The following DDX10 variants were observed in gnomAD, a reference collection of about 807,000 sequenced individuals.
The protein encoded by DDX10 is DEAD-box helicase 10.
A neutral mutation model predicts 104.3 loss-of-function variants in DDX10; 74 were observed. That is an observed-to-expected ratio of 0.71 (90% CI 0.59 to 0.86). DDX10 has a LOEUF of 0.86. Ranked by LOEUF, DDX10 falls within the 40% of genes least tolerant of loss-of-function variation. The probability of loss-of-function intolerance (pLI) is 0.00; values close to 1 mark genes in which losing one functional copy is unlikely to be tolerated. For missense variants in DDX10, 952 were observed against 1,040.0 expected, an observed-to-expected ratio of 0.92 and a Z score of 1.16; for synonymous variants, 351 against 353.4, an observed-to-expected ratio of 0.99 and a Z score of 0.08.
At chr11:108,933,949 G>T (rs1445052416) in intron 17 of DDX10, among the ~76,000 whole-genome samples, 3 of 152,048 alleles carry the variant, frequency 2.0e-5, no homozygotes, top group African/African-American at 7.2e-5. Context: ...CAGTGTGGCT[G>T]CACAGAACAA....
intron 16 of DDX10, among the ~76,000 whole-genome samples, chr11:108,905,315 G>GA (rs1281918532): frequency 1.3e-5 from 2 of 148,488 alleles, no homozygotes; most frequent in African/African-American, 2.5e-5. Flanking sequence ...TTGTTTAAGG[G>GA]GGGGGGGGGT....
intron 10 of DDX10, among the ~76,000 whole-genome samples, chr11:108,715,447 C>T (rs2094290136): frequency 6.6e-6 from 1 of 152,138 alleles, no homozygotes; most frequent in African/African-American, 2.4e-5. Flanking sequence ...TCACTTGAGT[C>T]CAGGGGTTCA....
At chr11:108,923,301 A>G (rs1378259114) in intron 17 of DDX10, among the ~76,000 whole-genome samples, 1 of 152,184 alleles carries the variant, frequency 6.6e-6, no homozygotes. Context: ...AGGAACCAAG[A>G]CCTCAGATAC....
intron 16 of DDX10, among the ~76,000 whole-genome samples, chr11:108,901,753 T>C (rs890956788): frequency 3.3e-5 from 5 of 152,172 alleles, no homozygotes; most frequent in African/African-American, 9.6e-5. Context: ...CCAGCACAAA[T>C]ATCTGAAAGG....
At chr11:108,899,778 G>C (rs12292355) in intron 16 of DDX10, among the ~76,000 whole-genome samples, 1 of 152,058 alleles carries the variant, frequency 6.6e-6, no homozygotes, top group African/African-American at 2.4e-5. Flanking sequence ...TGCTGTCCTC[G>C]CAATAGTGAG....
intron 17 of DDX10, among the ~76,000 whole-genome samples, chr11:108,933,522 T>C (rs1864000528): frequency 6.6e-6 from 1 of 152,184 alleles, no homozygotes; most frequent in Admixed American, 6.5e-5. Flanking sequence ...ACATCAAAAT[T>C]ACTCATTTTT....
chr11:108,708,302 T>TC (rs2094279390), intron 10 of DDX10, among the ~76,000 whole-genome samples: 2 of 150,818 alleles, frequency 1.3e-5, no homozygotes, highest in Non-Finnish European at 3.0e-5. Flanking sequence ...GTGATTTTTT[T>TC]TTTTTCTTTT....
At chr11:108,793,675 A>T (rs1407893089) in intron 13 of DDX10, among the ~76,000 whole-genome samples, 2 of 142,592 alleles carry the variant, frequency 1.4e-5, no homozygotes, top group East Asian at 3.8e-4. Flanking sequence ...TTTGAAATAT[A>T]CAATACATTC....
At chr11:108,709,871 T>C (rs2094281775) in intron 10 of DDX10, among the ~76,000 whole-genome samples, 1 of 152,210 alleles carries the variant, frequency 6.6e-6, no homozygotes, top group African/African-American at 2.4e-5. Flanking sequence ...GATTGATTTT[T>C]AGGTACTTTC....
At chr11:108,934,074 G>A (rs1864007595) in intron 17 of DDX10, among the ~76,000 whole-genome samples, 1 of 152,230 alleles carries the variant, frequency 6.6e-6, no homozygotes, top group Non-Finnish European at 1.5e-5. Context: ...TGTGCACAAT[G>A]TGAGGGTAAC....
chr11:108,744,161 G>A (rs1229563649), intron 13 of DDX10, among the ~76,000 whole-genome samples: 1 of 152,056 alleles, frequency 6.6e-6, no homozygotes, highest in Non-Finnish European at 1.5e-5. Context: ...AGTATGAATG[G>A]CTTTATATAG....
rs566446078 is a variant in DDX10 at position 108,677,804 on chromosome 11, C to T, written c.538-511C>T. Among the ~76,000 whole-genome samples the T allele has an allele frequency of 3.3e-5, 5 of 151,552 alleles. No homozygotes were observed. The East Asian group carries it at 9.7e-4, about 29-fold the overall frequency. On this transcript the variant is annotated intron_variant, in intron 4 of 17. Transcript: ENST00000322536. The stretch of plus-strand genomic sequence containing the variant: ...AAAGAAGAAAGAATAGCATCACAAA[C>T]CCTTACGTACCTGTTGCCTAACTTT...
chr11:108,782,162 G>T (rs919565461), intron 13 of DDX10, among the ~76,000 whole-genome samples: 7 of 152,172 alleles, frequency 4.6e-5, no homozygotes, highest in Non-Finnish European at 8.8e-5. Context: ...ACTGTATATG[G>T]TATAGGCCTT....
intron 7 of DDX10, chr11:108,690,759 GA>G: frequency 4.2e-6 from 1 of 239,948 alleles, no homozygotes; most frequent in Non-Finnish European, 8.4e-6. Context: ...ATGGGCAGGA[GA>G]AGAGATAGAT....
In DDX10 at chr11:108,673,526, A is replaced by G; in HGVS notation, c.246A>G (p.Lys82=). Residue 82 remains lysine, a splice_region_variant and synonymous_variant, in exon 2 of 18, where the codon AAA becomes AAG. Coordinates refer to ENST00000322536, the MANE Select transcript of DDX10 (RefSeq NM_004398.4). ...TTCCCTTGTCCAAAAAAACATTGAA[A>G]GGTAAGTATATGGTGATCTTGGGAT... ...SDFPLSKKTL[K]GLQEAQYRLV... 1 of 1,587,088 alleles carries G rather than the reference A, an allele frequency of 6.3e-7. No individual in the cohort carries two copies. Among genetic ancestry groups the G allele is most frequent in the Non-Finnish European group, 8.6e-7 (1 of 1,156,260 alleles).
intron 13 of DDX10, among the ~76,000 whole-genome samples, chr11:108,811,321 CA>C (rs1395615770): frequency 2.0e-5 from 3 of 152,100 alleles, no homozygotes; most frequent in African/African-American, 7.2e-5. Context: ...GGTCCAAGGT[CA>C]GCATATTGGA....
chr11:108,875,961 C>G (rs1301491932), intron 16 of DDX10, among the ~76,000 whole-genome samples: 1 of 152,224 alleles, frequency 6.6e-6, no homozygotes, highest in South Asian at 2.1e-4. Context: ...GTTATGTACA[C>G]TAGAGCATGT....
At chr11:108,812,450 G>C (rs578096080) in intron 13 of DDX10, among the ~76,000 whole-genome samples, 2 of 152,138 alleles carry the variant, frequency 1.3e-5, no homozygotes, top group Non-Finnish European at 2.9e-5. Flanking sequence ...GAGAGTATTA[G>C]TATTTCATAG....
At chr11:108,777,260 T>C (rs2094371067) in intron 13 of DDX10, among the ~76,000 whole-genome samples, 1 of 152,200 alleles carries the variant, frequency 6.6e-6, no homozygotes, top group Non-Finnish European at 1.5e-5. Context: ...ATCCTGCCAT[T>C]ACTGGAGCTA....
Sources: gnomAD v4.1 joint callset for allele counts (sites outside exome capture counted in the v4.1 genomes callset) on GRCh38, gnomAD v4.1.1 for gene constraint, MANE v1.5 for transcripts, NCBI Gene and HGNC (gene_info 2026-07-23, HGNC 2026-07-21) for gene names.